The following NKAIN3 variants were observed in gnomAD, a reference collection of about 807,000 sequenced individuals.
NKAIN3 encodes sodium/potassium-transporting ATPase subunit beta-1-interacting protein 3.
A neutral mutation model predicts 30.2 loss-of-function variants in NKAIN3; 25 were observed. That is an observed-to-expected ratio of 0.83 (90% CI 0.60 to 1.16). The LOEUF is 1.16. NKAIN3 is among the 50% of genes most tolerant of loss of function. NKAIN3 has a pLI of 0.00. For synonymous variants in NKAIN3, 91 were observed against 89.6 expected, an observed-to-expected ratio of 1.02 and a Z score of -0.09; for missense variants, 225 against 254.1, an observed-to-expected ratio of 0.89 and a Z score of 0.78.
intron 1 of NKAIN3, among the ~76,000 whole-genome samples, chr8:62,355,605 G>A (rs1483631078): frequency 1.3e-5 from 2 of 152,168 alleles, no homozygotes; most frequent in Non-Finnish European, 2.9e-5. Flanking sequence ...TCTTAGGGAT[G>A]TAGATGAAAT....
chr8:62,514,003 C>T (rs7016722), intron 1 of NKAIN3, among the ~76,000 whole-genome samples: 4,725 of 151,718 alleles, frequency 0.031, 281 homozygotes, highest in African/African-American at 0.11. Context: ...AAATGTGCAT[C>T]GGTGTGAAGA....
chr8:62,844,601 C>T (rs1302780644), intron 4 of NKAIN3, among the ~76,000 whole-genome samples: 3 of 152,126 alleles, frequency 2.0e-5, no homozygotes, highest in Admixed American at 2.0e-4. Context: ...TTTACTTCAA[C>T]GTTAACAGAT....
chr8:62,687,731 A>G (rs1813842902), intron 3 of NKAIN3, among the ~76,000 whole-genome samples: 1 of 152,208 alleles, frequency 6.6e-6, no homozygotes, highest in South Asian at 2.1e-4. Flanking sequence ...AGTCAACATT[A>G]TCGTTTTCAA....
chr8:62,624,490 G>A (rs1284637257), intron 3 of NKAIN3, among the ~76,000 whole-genome samples: 1 of 150,110 alleles, frequency 6.7e-6, no homozygotes, highest in South Asian at 2.1e-4. Flanking sequence ...CTGCAGAGGA[G>A]CTTTCATTTC....
chr8:62,767,266 T>C (rs1816869891), intron 4 of NKAIN3, among the ~76,000 whole-genome samples: 1 of 152,176 alleles, frequency 6.6e-6, no homozygotes, highest in Non-Finnish European at 1.5e-5. Context: ...GGCTTAGGAA[T>C]AGTCATATGA....
intron 1 of NKAIN3, among the ~76,000 whole-genome samples, chr8:62,432,073 G>C (rs890046492): frequency 1.5e-4 from 23 of 151,658 alleles, no homozygotes; most frequent in African/African-American, 5.6e-4. Flanking sequence ...TTTCTAATTT[G>C]ATCATTCCTT....
chr8:62,264,988 A>G lies in NKAIN3; in HGVS notation c.54+15861A>G, dbSNP rs902506806. ...ATATGGCTGAGAAAGGAGCCATGTG[A>G]TATTTCCAACATGGCCACTTTCTTG... On this transcript the variant is annotated intron_variant, in intron 1 of 6. Coordinates refer to ENST00000623646, the MANE Select transcript of NKAIN3 (RefSeq NM_001304533.3). Among the ~76,000 whole-genome samples the G allele has an allele frequency of 2.0e-5, 3 of 152,164 alleles. No homozygotes were observed. In the South Asian group the frequency reaches 6.2e-4, roughly 31 times the overall value.
At chr8:62,585,637 G>A (rs1810447468) in intron 2 of NKAIN3, among the ~76,000 whole-genome samples, 1 of 152,118 alleles carries the variant, frequency 6.6e-6, no homozygotes, top group Non-Finnish European at 1.5e-5. Flanking sequence ...TCACAATAGG[G>A]CTTGTGTTCC....
intron 3 of NKAIN3, among the ~76,000 whole-genome samples, chr8:62,731,274 C>CA (rs1360758912): frequency 6.9e-6 from 1 of 145,696 alleles, no homozygotes; most frequent in Non-Finnish European, 1.5e-5. Flanking sequence ...CACACACACA[C>CA]CCTTCCTTCT....
At chr8:62,473,082 A>G (rs904501833) in intron 1 of NKAIN3, 4 of 152,224 alleles carry the variant, frequency 2.6e-5, no homozygotes, top group Admixed American at 1.3e-4. Flanking sequence ...ATGTTTGCAC[A>G]TTGCTGCTGT....
In NKAIN3 at chr8:62,624,732, T is replaced by A. The variant is rs140095924; in HGVS notation, c.273+34938T>A. Among the ~76,000 whole-genome samples the A allele has an allele frequency of 3.9e-4, 60 of 151,926 alleles. No homozygotes were observed. In the East Asian group the frequency reaches 0.011, roughly 29 times the overall value. On this transcript the variant is annotated intron_variant, in intron 3 of 6. Transcript: ENST00000623646. ...TTTTTCTGCTCCTCTGGTGTGCTCG[T>A]TATGCAAATGTTATGGCATTCTTAG...
intron 4 of NKAIN3, chr8:62,856,783 T>A: frequency 1.6e-6 from 1 of 644,238 alleles, no homozygotes; most frequent in Non-Finnish European, 2.8e-6. Context: ...TCCTGTAAGA[T>A]GTAAATATTT....
intron 3 of NKAIN3, among the ~76,000 whole-genome samples, chr8:62,697,904 C>T (rs766594389): frequency 6.6e-6 from 1 of 151,922 alleles, no homozygotes; most frequent in Non-Finnish European, 1.5e-5. Flanking sequence ...AATTGAAAGA[C>T]AACTGAAAAT....
intron 5 of NKAIN3, among the ~76,000 whole-genome samples, chr8:62,938,067 G>C (rs1263081460): frequency 2.0e-5 from 3 of 152,046 alleles, no homozygotes; most frequent in Admixed American, 2.0e-4. Flanking sequence ...AAGAGAGGCT[G>C]AGCTCAGACA....
intron 4 of NKAIN3, among the ~76,000 whole-genome samples, chr8:62,864,406 C>T (rs573764128): frequency 6.6e-6 from 1 of 152,270 alleles, no homozygotes; most frequent in East Asian, 1.9e-4. Flanking sequence ...CAATGGCCAT[C>T]TTGAAAATGG....
intron 3 of NKAIN3, among the ~76,000 whole-genome samples, chr8:62,595,575 G>A (rs1440726207): frequency 6.6e-6 from 1 of 151,818 alleles, no homozygotes; most frequent in Non-Finnish European, 1.5e-5. Flanking sequence ...TTTACCTCCT[G>A]TTTTTGCCTA....
At chr8:62,432,165 T>G (rs1306347755) in intron 1 of NKAIN3, among the ~76,000 whole-genome samples, 1 of 151,996 alleles carries the variant, frequency 6.6e-6, no homozygotes, top group Non-Finnish European at 1.5e-5. Context: ...AAAAGGTCTC[T>G]GATGTTATGA....
In NKAIN3 at chr8:62,606,957, A is replaced by T. The variant is rs1045530644; in HGVS notation, c.273+17163A>T. On this transcript the variant is annotated intron_variant, in intron 3 of 6. Transcript: ENST00000623646. ...TAATGCTGCATGCCAAGAGCATTAT[A>T]TTAATTTTGGTTCAGTATAAAATGC... Among the ~76,000 whole-genome samples the T allele has an allele frequency of 2.0e-5, 3 of 152,172 alleles. 1 individual carries two copies. The South Asian group carries it at 6.2e-4, about 31-fold the overall frequency.
chr8:62,517,120 A>G (rs1265205703), intron 1 of NKAIN3, among the ~76,000 whole-genome samples: 1 of 152,142 alleles, frequency 6.6e-6, no homozygotes, highest in East Asian at 1.9e-4. Context: ...TATTTATTGA[A>G]TAAATTATAA....
Sources: gnomAD v4.1 joint callset for allele counts (sites outside exome capture counted in the v4.1 genomes callset) on GRCh38, gnomAD v4.1.1 for gene constraint, MANE v1.5 for transcripts, NCBI Gene and HGNC (gene_info 2026-07-23, HGNC 2026-07-21) for gene names.